Variants in YY1AP1 observed in about 807,000 individuals in gnomAD.
YY1AP1 encodes the protein YY1 associated protein 1.
In YY1AP1, 43 loss-of-function variants were observed where a neutral mutation model predicts 39.9. The observed-to-expected ratio is 1.08, with a 90% confidence interval of 0.84 to 1.39. The LOEUF is 1.39. Among genes scored for constraint, YY1AP1 ranks in the 40% most tolerant of loss-of-function variants. The probability of loss-of-function intolerance (pLI) is 0.00; values close to 1 mark genes in which losing one functional copy is unlikely to be tolerated. For synonymous variants in YY1AP1, 292 were observed against 331.3 expected (o/e 0.88, Z 1.29); for missense variants, 813 against 900.7 (o/e 0.90, Z 1.25).
intron 2 of YY1AP1, among the ~76,000 whole-genome samples, chr1:155,682,185 G>A (rs577026316): frequency 1.3e-5 from 2 of 152,150 alleles, no homozygotes; most frequent in East Asian, 1.9e-4. Context: ...ATTCAAAGTC[G>A]AAATGATTAT....
rs1340372412 is a variant in YY1AP1, at chr1:155,688,092, T to A, written c.-42A>T. The A allele has an allele frequency of 6.3e-7, 1 of 1,593,266 alleles. No homozygotes were observed. Among genetic ancestry groups the A allele is most frequent in the Non-Finnish European group, 8.6e-7 (1 of 1,165,904 alleles). On this transcript the variant is annotated 5_prime_UTR_variant, in exon 2 of 11. Transcript: ENST00000355499. ...TCACCGTGTCGGAGGCCGAGAGCGATGAGAGTACAGGGAAGTGAGGAAGAG... is the reference window on the plus strand; with the variant it reads ...TCACCGTGTCGGAGGCCGAGAGCGAAGAGAGTACAGGGAAGTGAGGAAGAG...
intron 2 of YY1AP1, among the ~76,000 whole-genome samples, chr1:155,687,138 T>C (rs1240914738): frequency 6.6e-6 from 1 of 152,228 alleles, no homozygotes; most frequent in Non-Finnish European, 1.5e-5. Flanking sequence ...TTGTAAACTA[T>C]TACTATAAAC....
At chr1:155,671,946 A>G (rs532605045) in intron 7 of YY1AP1, among the ~76,000 whole-genome samples, 1 of 152,388 alleles carries the variant, frequency 6.6e-6, no homozygotes, top group East Asian at 1.9e-4. Flanking sequence ...TTGCTAAGTC[A>G]GCAAACAAAT....
Position 155,672,648 on chromosome 1 carries a change from A to G in YY1AP1, c.495T>C (p.Cys165=). 1 of 1,614,008 alleles carries G rather than the reference A, an allele frequency of 6.2e-7. No individual in the cohort carries two copies. The highest frequency in any genetic ancestry group is 8.5e-7 in the Non-Finnish European group (1 of 1,179,892). The change falls in exon 7 of 11, where the codon TGT becomes TGC. Residue 165 remains cysteine (C), a synonymous_variant. Transcript: ENST00000355499. ...TCAGCTGCATAGCTCCCATCAAGTTACAGGGTTGGAACAGGGTCTGAAACT... is the reference window on the plus strand; with the variant it reads ...TCAGCTGCATAGCTCCCATCAAGTTGCAGGGTTGGAACAGGGTCTGAAACT... ...NPKFQTLFQP[C]NLMGAMQLIE...
At chr1:155,668,917 G>A (rs1649452806) in intron 8 of YY1AP1, 140 bp from the exon 9 acceptor site, 1 of 1,265,028 alleles carries the variant, frequency 7.9e-7, no homozygotes, top group East Asian at 2.5e-5. Context: ...GGGCTGGAGT[G>A]CAGTGGCGTG....
intron 7 of YY1AP1, chr1:155,672,184 A>G (rs651905): frequency 0.067 from 21,248 of 318,166 alleles, 4,416 homozygotes; most frequent in African/African-American, 0.43. Flanking sequence ...AATGAAGAGA[A>G]TAAAAAGCTA....
chr1:155,670,496 T>C, intron 7 of YY1AP1, 32 bp from the exon 8 acceptor site: 1 of 1,611,348 alleles, frequency 6.2e-7, no homozygotes, highest in Non-Finnish European at 8.5e-7. Context: ...ATAAATCAAC[T>C]TCTAGGAAAA....
At chr1:155,678,419 G>A (rs1330092203) in intron 4 of YY1AP1, among the ~76,000 whole-genome samples, 5 of 152,144 alleles carry the variant, frequency 3.3e-5, no homozygotes, top group African/African-American at 1.2e-4. Context: ...ATTTTAAGAA[G>A]TTATAAAGAG....
intron 9 of YY1AP1, among the ~76,000 whole-genome samples, chr1:155,663,048 C>G (rs994781982): frequency 1.3e-5 from 2 of 151,218 alleles, no homozygotes; most frequent in Middle Eastern, 3.4e-3. Flanking sequence ...AAGGTGTGCA[C>G]GAAAAATGAC....
chr1:155,665,659 TC>T (rs1316001455), intron 9 of YY1AP1, among the ~76,000 whole-genome samples: 1 of 151,036 alleles, frequency 6.6e-6, no homozygotes, highest in Admixed American at 6.6e-5. Context: ...ACGCCTGTAA[TC>T]CCCGCACTCT....
chr1:155,687,776 C>T (rs1197059831), intron 2 of YY1AP1, among the ~76,000 whole-genome samples: 1 of 147,946 alleles, frequency 6.8e-6, no homozygotes, highest in Non-Finnish European at 1.5e-5. Context: ...GGGGGAGGCT[C>T]CGATCATGCC....
intron 9 of YY1AP1, among the ~76,000 whole-genome samples, chr1:155,667,048 C>T (rs772551256): frequency 1.3e-5 from 2 of 152,064 alleles, no homozygotes; most frequent in Non-Finnish European, 2.9e-5. Context: ...TGGCCAAGCA[C>T]AGTGGCTAAT....
At chr1:155,675,311 CTAATT>C (rs1292470942) in intron 5 of YY1AP1, among the ~76,000 whole-genome samples, 4 of 151,798 alleles carry the variant, frequency 2.6e-5, no homozygotes, top group East Asian at 1.9e-4. Flanking sequence ...CAATGCCTGG[CTAATT>C]TATTTTATTA....
chr1:155,672,201 A>C, intron 7 of YY1AP1: 1 of 344,504 alleles, frequency 2.9e-6, no homozygotes, highest in South Asian at 2.7e-5. Context: ...GCTAAACATG[A>C]CCGAACTTTA....
intron 10 of YY1AP1, 64 bp downstream of exon 10, chr1:155,661,243 G>C (rs754220362): frequency 6.2e-7 from 1 of 1,613,842 alleles, no homozygotes; most frequent in African/African-American, 1.3e-5. Flanking sequence ...GGAAGTCCTT[G>C]ATATTCTCTC....
Position 155,659,626 on chromosome 1 carries a change from C to T in YY1AP1, c.*31G>A, listed in dbSNP as rs1343649386. ...CACCAATCGGAGGCCGAAGTGAAGG[C>T]TCCCAGTCTCCAGACTCTTATTCTC... On this transcript the variant is annotated 3_prime_UTR_variant, in exon 11 of 11. Coordinates refer to ENST00000355499, the MANE Select transcript of YY1AP1 (RefSeq NM_139119.3). The T allele has an allele frequency of 2.5e-6, 4 of 1,611,744 alleles. No homozygotes were observed. The highest frequency in any genetic ancestry group is 2.2e-5 in the East Asian group (1 of 44,878).
chr1:155,671,767 A>G (rs139792923), intron 7 of YY1AP1, among the ~76,000 whole-genome samples: 4 of 152,308 alleles, frequency 2.6e-5, no homozygotes, highest in African/African-American at 9.6e-5. Context: ...TTTGGTATTA[A>G]ATCACGTTTT....
intron 9 of YY1AP1, among the ~76,000 whole-genome samples, chr1:155,663,873 T>G (rs922593230): frequency 1.5e-4 from 23 of 152,002 alleles, no homozygotes; most frequent in African/African-American, 5.3e-4. Flanking sequence ...AAAACAGGTG[T>G]TACACAAAGA....
intron 2 of YY1AP1, among the ~76,000 whole-genome samples, chr1:155,684,234 G>A (rs1416920336): frequency 2.6e-5 from 4 of 152,094 alleles, no homozygotes; most frequent in African/African-American, 9.7e-5. Context: ...GGCGAGGAGA[G>A]CGAAACTCTC....
Sources: allele counts gnomAD v4.1 joint callset (sites outside exome capture counted in the v4.1 genomes callset), GRCh38; gene constraint gnomAD v4.1.1; transcripts MANE v1.5; gene names NCBI Gene and HGNC (gene_info 2026-07-23, HGNC 2026-07-21).